Variants in AP2B1 observed in about 807,000 individuals in gnomAD.
The protein encoded by AP2B1 is AP-2 complex subunit beta.
In AP2B1, 23 loss-of-function variants were observed where a neutral mutation model predicts 102.0. That is an observed-to-expected ratio of 0.23 (90% CI 0.16 to 0.32). The LOEUF (loss-of-function observed/expected upper bound fraction) is 0.32, where lower values mean the gene tolerates loss of function less well. Among genes scored for constraint, AP2B1 ranks in the 10% least tolerant of loss-of-function variants. AP2B1 has a pLI of 1.00. For missense variants in AP2B1, 541 were observed against 1,157.4 expected (o/e 0.47, Z 7.73); for synonymous variants, 381 against 421.2 (o/e 0.90, Z 1.17).
intron 20 of AP2B1, among the ~76,000 whole-genome samples, chr17:35,714,795 C>G (rs1422624047): frequency 6.6e-6 from 1 of 152,134 alleles, no homozygotes; most frequent in Non-Finnish European, 1.5e-5. Context: ...TTTTTTTATT[C>G]TATGCTTTGG....
intron 14 of AP2B1, among the ~76,000 whole-genome samples, chr17:35,666,468 A>C (rs1472561550): frequency 6.6e-6 from 1 of 152,226 alleles, no homozygotes. Context: ...TTTTTAATAC[A>C]GACTGTTCAA....
intron 3 of AP2B1, 142 bp downstream of exon 3, chr17:35,598,477 G>T (rs998169584): frequency 1.4e-5 from 7 of 514,394 alleles, no homozygotes; most frequent in Non-Finnish European, 2.4e-5. Context: ...ATTAGGAAGT[G>T]CAGTTGCCTT....
intron 9 of AP2B1, among the ~76,000 whole-genome samples, chr17:35,633,170 G>A (rs770959619): frequency 6.6e-6 from 1 of 151,996 alleles, no homozygotes; most frequent in Non-Finnish European, 1.5e-5. Flanking sequence ...AGACATCCTG[G>A]TCAACATGGT....
At chr17:35,660,352 C>G (rs928515247) in intron 14 of AP2B1, among the ~76,000 whole-genome samples, 1 of 152,126 alleles carries the variant, frequency 6.6e-6, no homozygotes, top group Non-Finnish European at 1.5e-5. Flanking sequence ...GACACTGAAG[C>G]TGCTGGTCCA....
At chr17:35,589,835 C>G (rs192595022) in intron 1 of AP2B1, among the ~76,000 whole-genome samples, 70 of 152,078 alleles carry the variant, frequency 4.6e-4, no homozygotes, top group Non-Finnish European at 8.4e-4. Context: ...TTTCTCCCCC[C>G]ATAGGAGCAG....
chr17:35,677,927 T>C (rs2075736841), intron 17 of AP2B1, among the ~76,000 whole-genome samples: 1 of 151,492 alleles, frequency 6.6e-6, no homozygotes, highest in South Asian at 2.1e-4. Context: ...TGGTGTCATC[T>C]CTGCCCACTG....
intron 2 of AP2B1, among the ~76,000 whole-genome samples, chr17:35,595,989 T>A (rs1043727900): frequency 3.3e-5 from 5 of 152,160 alleles, no homozygotes; most frequent in Non-Finnish European, 5.9e-5. Context: ...GACCTTTTTT[T>A]AATTCAGGCA....
intron 10 of AP2B1, among the ~76,000 whole-genome samples, chr17:35,637,010 A>T (rs756560339): frequency 2.0e-5 from 3 of 151,756 alleles, no homozygotes; most frequent in Non-Finnish European, 4.4e-5. Context: ...ACAGATATAT[A>T]AAAAAAAATC....
chr17:35,663,023 T>C (rs75950451), intron 14 of AP2B1, among the ~76,000 whole-genome samples: 6,933 of 152,290 alleles, frequency 0.046, 191 homozygotes, highest in Middle Eastern at 0.075. Flanking sequence ...TCTTTCAGGT[T>C]TTTACCTTTC....
intron 5 of AP2B1, among the ~76,000 whole-genome samples, chr17:35,614,681 T>A (rs796084637): frequency 9.0e-4 from 61 of 67,468 alleles, no homozygotes; most frequent in African/African-American, 2.7e-3. Context: ...AAAAAAAAAA[T>A]TTCTCATTTG....
chr17:35,687,153 C>G (rs1263802085), intron 18 of AP2B1, among the ~76,000 whole-genome samples: 1 of 152,132 alleles, frequency 6.6e-6, no homozygotes, highest in African/African-American at 2.4e-5. Context: ...GGGTCTCACT[C>G]TGTCACCCAG....
chr17:35,679,299 T>C (rs1227827906), intron 17 of AP2B1, among the ~76,000 whole-genome samples: 1 of 152,194 alleles, frequency 6.6e-6, no homozygotes, highest in African/African-American at 2.4e-5. Context: ...AAGGAAGCCC[T>C]GTCTTCCAAG....
rs185054528 is a variant in AP2B1 at position 35,650,927 on chromosome 17, T to G, written c.1796+138T>G. On this transcript the variant is annotated intron_variant, in intron 13 of 21. Coordinates refer to ENST00000610402, the MANE Select transcript of AP2B1 (RefSeq NM_001030006.2). ...ATGCTTTTATAGTCTGGAAAAGAAC[T>G]GCTGTACATTTTTGGACACCTACTA... 42 of 1,001,754 alleles carry G rather than the reference T, an allele frequency of 4.2e-5. 1 individual carries two copies. The African/African-American group carries it at 6.4e-4, about 15-fold the overall frequency. 62.1% of individuals were successfully genotyped at this position (1,001,754 alleles called of 1,614,324 possible).
intron 17 of AP2B1, among the ~76,000 whole-genome samples, chr17:35,676,583 TCTTTG>T (rs2075706384): frequency 6.6e-6 from 1 of 152,202 alleles, no homozygotes; most frequent in Non-Finnish European, 1.5e-5. Context: ...TGTGTATACA[TCTTTG>T]GTTGGACATA....
chr17:35,589,006 C>T (rs930884861), intron 1 of AP2B1, among the ~76,000 whole-genome samples: 1 of 152,122 alleles, frequency 6.6e-6, no homozygotes, highest in Non-Finnish European at 1.5e-5. Context: ...TTTCTCTTGT[C>T]CTTTCTTTCC....
chr17:35,639,155 C>G (rs2074695505), intron 10 of AP2B1, among the ~76,000 whole-genome samples: 1 of 152,016 alleles, frequency 6.6e-6, no homozygotes. Context: ...ATAGCAAGAC[C>G]CCCATCTCTA....
intron 2 of AP2B1, among the ~76,000 whole-genome samples, chr17:35,596,723 C>A (rs2142317991): frequency 6.6e-6 from 1 of 152,216 alleles, no homozygotes; most frequent in South Asian, 2.1e-4. Flanking sequence ...TGTAGAAGCC[C>A]ACGGCGGCGC....
At chr17:35,656,632 A>C (rs1054927072) in intron 13 of AP2B1, among the ~76,000 whole-genome samples, 56 of 152,308 alleles carry the variant, frequency 3.7e-4, no homozygotes, top group African/African-American at 1.3e-3. Context: ...GCGGTGGCTC[A>C]CGCCTGTAAT....
Position 35,608,258 on chromosome 17 carries a change from T to C in AP2B1, c.396T>C (p.Asp132=). The change falls in exon 5 of 22, where the codon GAT becomes GAC. Residue 132 remains aspartate (D), a synonymous_variant. Transcript: ENST00000610402. ...AGCCGCTCCGCAAGTGCTTGAAGGATGAGGATCCCTATGTTCGGAAAACAG... is the reference window on the plus strand; with the variant it reads ...AGCCGCTCCGCAAGTGCTTGAAGGACGAGGATCCCTATGTTCGGAAAACAG... The part of the protein sequence containing the change: ...LCEPLRKCLK[D]EDPYVRKTAA... 1 of 1,614,168 alleles carries C rather than the reference T, an allele frequency of 6.2e-7. No individual in the cohort carries two copies. The highest frequency in any genetic ancestry group is 2.2e-5 in the East Asian group (1 of 44,882).
Sources: gnomAD v4.1 joint callset for allele counts (sites outside exome capture counted in the v4.1 genomes callset) on GRCh38, gnomAD v4.1.1 for gene constraint, MANE v1.5 for transcripts, NCBI Gene and HGNC (gene_info 2026-07-23, HGNC 2026-07-21) for gene names.